Variants in GULP1 observed in about 807,000 individuals in gnomAD.
The protein encoded by GULP1 is PTB domain-containing engulfment adapter protein 1.
In GULP1, 19 loss-of-function variants were observed where a neutral mutation model predicts 40.9. The observed-to-expected ratio is 0.46, with a 90% CI of 0.32 to 0.68. The LOEUF is 0.68. GULP1 is among the 30% of genes least tolerant of loss of function. The pLI is 0.03. For synonymous variants in GULP1, 119 were observed against 117.6 expected (o/e 1.01, Z -0.08); for missense variants, 312 against 362.2 (o/e 0.86, Z 1.12).
chr2:188,374,728 C>A (rs1364822489), intron 1 of GULP1, among the ~76,000 whole-genome samples: 1 of 151,656 alleles, frequency 6.6e-6, no homozygotes, highest in South Asian at 2.1e-4. Context: ...CTAGGGTCAC[C>A]CTTAGCCAAA....
At chr2:188,425,026 T>C (rs1209135077) in intron 2 of GULP1, among the ~76,000 whole-genome samples, 2 of 152,038 alleles carry the variant, frequency 1.3e-5, no homozygotes, top group Non-Finnish European at 2.9e-5. Context: ...TCGATATTAG[T>C]ACCAACTGAT....
chr2:188,443,690 CT>C (rs1231359913), intron 2 of GULP1, among the ~76,000 whole-genome samples: 3,336 of 142,436 alleles, frequency 0.023, 105 homozygotes, highest in African/African-American at 0.077. Context: ...AATTTCTTTT[CT>C]TTTTTTTTTT....
chr2:188,309,534 A>G (rs1649499787), intron 1 of GULP1, among the ~76,000 whole-genome samples: 1 of 152,204 alleles, frequency 6.6e-6, no homozygotes, highest in South Asian at 2.1e-4. Flanking sequence ...TATAAGAAAG[A>G]AGCTTCTGAT....
chr2:188,499,135 G>GTGTA (rs1491197735), intron 4 of GULP1, among the ~76,000 whole-genome samples: 8 of 56,358 alleles, frequency 1.4e-4, no homozygotes, highest in East Asian at 6.9e-4. Context: ...ATATGTGTGT[G>GTGTA]TATATATATA....
intron 2 of GULP1, among the ~76,000 whole-genome samples, chr2:188,408,888 T>G (rs759715723): frequency 1.3e-5 from 2 of 152,144 alleles, no homozygotes; most frequent in Non-Finnish European, 2.9e-5. Flanking sequence ...AAATATGTGG[T>G]AATTAAACCA....
Position 188,496,608 on chromosome 2 carries a change from A to G in GULP1, c.90+13116A>G, listed in dbSNP as rs144551321. 9.2e-5 allele frequency among the ~76,000 whole-genome samples: 14 copies of G among 152,106 alleles called. No individual in the cohort carries two copies. In the East Asian group the frequency reaches 2.1e-3, roughly 23 times the overall value. ...GAAAAAAACCTTTAAAATTTAAGCA[A>G]TGAACTTAGAATTTTACAGATGGTT... On this transcript the variant is annotated intron_variant, in intron 4 of 11. Transcript: ENST00000409830.
At position 188,344,088 on chromosome 2, in the gene GULP1, A is replaced by G. The variant is rs541943487; in HGVS notation, c.-171-39675A>G. Reference sequence around the variant, plus strand: ...CTCCCAAAGTGCTAGGATTACAGGCATGAGCCACCACGCCTGGCCCTCTCA... The same window carrying G: ...CTCCCAAAGTGCTAGGATTACAGGCGTGAGCCACCACGCCTGGCCCTCTCA... On this transcript the variant is annotated intron_variant, in intron 1 of 11. Coordinates refer to ENST00000409830, the MANE Select transcript of GULP1 (RefSeq NM_016315.4). 2.5e-3 allele frequency among the ~76,000 whole-genome samples: 381 copies of G among 152,284 alleles called. 1 individual carries two copies. Among genetic ancestry groups the G allele is most frequent in the African/African-American group, 8.8e-3 (366 of 41,562 alleles).
At chr2:188,386,870 GCAGGCAGTAGCAATTTCTTTCTCA>G (rs1329947687) in intron 2 of GULP1, among the ~76,000 whole-genome samples, 1 of 152,156 alleles carries the variant, frequency 6.6e-6, no homozygotes, top group Non-Finnish European at 1.5e-5. Context: ...AATTTTGGTT[GCAGGCAGTAGCAATTTCTTTCTCA>G]CATCTATTCA....
At chr2:188,364,580 A>G (rs72909536) in intron 1 of GULP1, among the ~76,000 whole-genome samples, 1,899 of 151,970 alleles carry the variant, frequency 0.012, 14 homozygotes, top group Non-Finnish European at 0.02. Flanking sequence ...TGGGAGGGAG[A>G]TGCTAGTCAT....
chr2:188,392,374 C>T (rs971829665), intron 2 of GULP1, among the ~76,000 whole-genome samples: 2 of 151,926 alleles, frequency 1.3e-5, no homozygotes, highest in Non-Finnish European at 2.9e-5. Context: ...TCTAGACTTC[C>T]TAGTTTGTGT....
chr2:188,308,327 T>TAAAAA (rs374825116), intron 1 of GULP1, among the ~76,000 whole-genome samples: 3 of 152,330 alleles, frequency 2.0e-5, no homozygotes, highest in African/African-American at 7.2e-5. Context: ...TTCTGTTTTG[T>TAAAAA]AAATGTACAT....
chr2:188,489,441 G>A (rs2153087560), intron 4 of GULP1, among the ~76,000 whole-genome samples: 1 of 152,026 alleles, frequency 6.6e-6, no homozygotes, highest in East Asian at 1.9e-4. Context: ...TAATTTCAAA[G>A]CATAGGAACC....
chr2:188,499,305 T>A (rs2063210742), intron 4 of GULP1, among the ~76,000 whole-genome samples: 1 of 150,928 alleles, frequency 6.6e-6, no homozygotes, highest in Admixed American at 6.6e-5. Flanking sequence ...AAGCCTGGAT[T>A]TTTTTTTCTG....
chr2:188,338,218 C>A (rs2042521441), intron 1 of GULP1, among the ~76,000 whole-genome samples: 1 of 151,606 alleles, frequency 6.6e-6, no homozygotes, highest in Non-Finnish European at 1.5e-5. Flanking sequence ...CTCATTGGTA[C>A]AACTGAAGTA....
At chr2:188,520,421 A>C (rs1424866239) in intron 4 of GULP1, among the ~76,000 whole-genome samples, 1 of 151,638 alleles carries the variant, frequency 6.6e-6, no homozygotes, top group Non-Finnish European at 1.5e-5. Flanking sequence ...CTGTAATCCC[A>C]GCTGAGGCTG....
chr2:188,415,922 TC>T (rs1462798061), intron 2 of GULP1, among the ~76,000 whole-genome samples: 1 of 152,146 alleles, frequency 6.6e-6, no homozygotes, highest in Non-Finnish European at 1.5e-5. Flanking sequence ...GCCCCAGTGC[TC>T]TGTTAGAAGA....
chr2:188,304,449 A>G (rs2036696218), intron 1 of GULP1, among the ~76,000 whole-genome samples: 1 of 152,204 alleles, frequency 6.6e-6, no homozygotes, highest in South Asian at 2.1e-4. Context: ...GTTTTTTACA[A>G]TTTACAAATG....
chr2:188,462,281 G>A (rs1167191762), intron 2 of GULP1, among the ~76,000 whole-genome samples: 2 of 152,124 alleles, frequency 1.3e-5, no homozygotes, highest in Non-Finnish European at 2.9e-5. Flanking sequence ...ACTGTGGTCT[G>A]AAGAGATGCT....
intron 2 of GULP1, among the ~76,000 whole-genome samples, chr2:188,384,523 C>A (rs555366826): frequency 6.0e-4 from 92 of 152,220 alleles, no homozygotes; most frequent in Non-Finnish European, 1.0e-3. Context: ...CATCCCTGGC[C>A]CCTCTCAAAT....
Sources: gnomAD v4.1 joint callset for allele counts (sites outside exome capture counted in the v4.1 genomes callset) on GRCh38, gnomAD v4.1.1 for gene constraint, MANE v1.5 for transcripts, NCBI Gene and HGNC (gene_info 2026-07-23, HGNC 2026-07-21) for gene names.